The following CACNA1C variants were observed in gnomAD, a reference collection of about 807,000 sequenced individuals.
CACNA1C encodes calcium voltage-gated channel subunit alpha1 C, also known as voltage-dependent L-type calcium channel subunit alpha-1C.
A neutral mutation model predicts 229.0 loss-of-function variants in CACNA1C; 30 were observed. That is an observed-to-expected ratio of 0.13 (90% confidence interval 0.10 to 0.18). CACNA1C has a LOEUF of 0.18. Ranked by LOEUF, CACNA1C falls within the 10% of genes least tolerant of loss-of-function variation. The probability of loss-of-function intolerance (pLI) is 1.00; values close to 1 mark genes in which losing one functional copy is unlikely to be tolerated. For synonymous variants in CACNA1C, 1,114 were observed against 1,132.5 expected (o/e 0.98, Z 0.33); for missense variants, 1,658 against 2,845.0 (o/e 0.58, Z 9.49).
chr12:2,035,523 C>G (rs576975991), intron 1 of CACNA1C, among the ~76,000 whole-genome samples: 3 of 152,170 alleles, frequency 2.0e-5, no homozygotes, highest in Non-Finnish European at 4.4e-5. Context: ...ATCTCCTGTG[C>G]GAACCTCTTC....
In CACNA1C at chr12:2,467,783, C is replaced by G. The variant is rs1241837093; in HGVS notation, c.757+10077C>G. ...CTGCTGCATCCCCAGTTAAGCAACT[C>G]TCTTCCCGGCATCCTCCCAGGTGCC... On this transcript the variant is annotated intron_variant, in intron 5 of 46. Transcript: ENST00000399655. The surrounding 1 kb of genome is among the most constrained non-coding windows in gnomAD (Gnocchi z 4.6). 2.6e-5 allele frequency among the ~76,000 whole-genome samples: 4 copies of G among 152,206 alleles called. No homozygotes were observed. Among genetic ancestry groups the G allele is most frequent in the East Asian group, 1.9e-4 (1 of 5,182 alleles).
At chr12:2,483,718 C>T (rs1227019571) in intron 5 of CACNA1C, among the ~76,000 whole-genome samples, 1 of 152,110 alleles carries the variant, frequency 6.6e-6, no homozygotes. Context: ...GCGTGACCCC[C>T]AGCCTGGACG....
At chr12:2,413,252 G>A (rs1384580889) in intron 3 of CACNA1C, among the ~76,000 whole-genome samples, 1 of 152,154 alleles carries the variant, frequency 6.6e-6, no homozygotes, top group Non-Finnish European at 1.5e-5. Context: ...CCTGACCTCA[G>A]GTGATCCACC....
chr12:2,503,466 C>T (rs1022681258), intron 7 of CACNA1C, among the ~76,000 whole-genome samples: 2 of 152,238 alleles, frequency 1.3e-5, no homozygotes. Flanking sequence ...GATGGAAGCA[C>T]AGCTCTGCAA....
At chr12:2,052,953 G>C (rs891079333), upstream of CACNA1C, 102 of 978,732 alleles carry the variant, frequency 1.0e-4, no homozygotes, top group South Asian at 2.0e-3. Flanking sequence ...GGCTGGGCCG[G>C]GGGGAGTGAG....
chr12:2,691,304 G>A lies in CACNA1C; in HGVS notation c.*105G>A. 2 of 1,188,988 alleles carry A rather than the reference G, an allele frequency of 1.7e-6. No homozygotes were observed. The highest frequency in any genetic ancestry group is 3.3e-5 in the Admixed American group (1 of 30,498). 73.7% of individuals were successfully genotyped at this position (1,188,988 alleles called of 1,614,324 possible). A position where few individuals can be genotyped will look rare whatever the true frequency, so the allele number is the denominator to read the frequency against. ...TCGTGACCTGGAGTTAACCGGAACA[G>A]CGTCTTCATTCATTTCTGTTGGGAC... is the stretch of plus-strand genomic sequence containing the variant. On this transcript the variant is annotated 3_prime_UTR_variant, in exon 47 of 47. Transcript: ENST00000399655.
chr12:2,526,491 A>G (rs111531635), intron 9 of CACNA1C, among the ~76,000 whole-genome samples: 12 of 152,344 alleles, frequency 7.9e-5, no homozygotes, highest in African/African-American at 2.6e-4. Flanking sequence ...GCCTTCCACA[A>G]CAGAACAGGA....
intron 1 of CACNA1C, among the ~76,000 whole-genome samples, chr12:2,018,653 A>C (rs953462406): frequency 6.6e-6 from 1 of 152,226 alleles, no homozygotes; most frequent in Non-Finnish European, 1.5e-5. Context: ...GACGGAGCTC[A>C]TTCAGGCCCT....
chr12:2,067,481 T>TTTGTGTGTGC lies in CACNA1C; in HGVS notation c.49+13870_49+13871insTTGTGTGTGC, dbSNP rs1555107496. 7.1e-6 allele frequency among the ~76,000 whole-genome samples: 1 copy of TTTGTGTGTGC among 140,778 alleles called. No homozygotes were observed. The allele number at this position is 140,778 out of a possible 152,430, so 92.4% of individuals were successfully genotyped here. On this transcript the variant is annotated intron_variant, in intron 1 of 46. Coordinates refer to ENST00000399655, the MANE Select transcript of CACNA1C (RefSeq NM_000719.7). The surrounding 1 kb of genome is among the most constrained non-coding windows in gnomAD (Gnocchi z 5.3). ...GTGTGTGTGTGTGTGTGTGTGTGTG[T>TTTGTGTGTGC]GCGCGCGTGTGCGTGCCTGTATGTA...
chr12:2,472,246 A>G (rs1179252107), intron 5 of CACNA1C, among the ~76,000 whole-genome samples: 2 of 152,160 alleles, frequency 1.3e-5, no homozygotes, highest in South Asian at 4.2e-4. Context: ...CCTGTTATAC[A>G]TGGTGTTTGG....
chr12:1,974,878 A>G (rs1235111684), intron 1 of CACNA1C, among the ~76,000 whole-genome samples: 2 of 152,164 alleles, frequency 1.3e-5, no homozygotes, highest in Non-Finnish European at 2.9e-5. Context: ...AAACATGTCT[A>G]TTTATGCTTA....
chr12:2,257,709 T>C (rs576199907), intron 3 of CACNA1C, among the ~76,000 whole-genome samples: 18 of 152,366 alleles, frequency 1.2e-4, no homozygotes, highest in Non-Finnish European at 2.4e-4. Flanking sequence ...TTCATTGATC[T>C]CTTCTCCTCC....
intron 1 of CACNA1C, among the ~76,000 whole-genome samples, chr12:1,994,079 A>G (rs780360146): frequency 4.6e-5 from 7 of 152,260 alleles, no homozygotes; most frequent in Non-Finnish European, 8.8e-5. Flanking sequence ...ATTTCACTCA[A>G]TAAACCTTGA....
Position 2,504,646 on chromosome 12 carries a change from G to A in CACNA1C, c.1114-196G>A, listed in dbSNP as rs555099030. On this transcript the variant is annotated intron_variant, in intron 7 of 46. Transcript: ENST00000399655. This position sits in a 1 kb window ranked among gnomAD's most constrained non-coding sequence, Gnocchi z 6.8. ...CAGGGATGGGACCCTGACAGGCCCA[G>A]GAAAACCACAACAAAGCCTCTGTTC... is the stretch of plus-strand genomic sequence containing the variant. 46 of 795,190 alleles carry A rather than the reference G, an allele frequency of 5.8e-5. No individual in the cohort carries two copies. The East Asian group carries it at 1.1e-3, about 19-fold the overall frequency. The allele number at this position is 795,190 out of a possible 1,614,324, so 49.3% of individuals were successfully genotyped here. A position where few individuals can be genotyped will look rare whatever the true frequency, so the allele number is the denominator to read the frequency against.
At chr12:2,240,853 A>C (rs1053181347) in intron 3 of CACNA1C, among the ~76,000 whole-genome samples, 1 of 151,452 alleles carries the variant, frequency 6.6e-6, no homozygotes, top group Non-Finnish European at 1.5e-5. Context: ...GTGCTCACCC[A>C]ACTCCCTCAG....
At chr12:2,189,630 G>A (rs2097152328) in intron 3 of CACNA1C, among the ~76,000 whole-genome samples, 1 of 152,168 alleles carries the variant, frequency 6.6e-6, no homozygotes. Context: ...AAAACTATCA[G>A]CGTGTGGAGT....
At chr12:2,165,220 T>C (rs116552867) in intron 3 of CACNA1C, among the ~76,000 whole-genome samples, 1 of 152,216 alleles carries the variant, frequency 6.6e-6, no homozygotes, top group Admixed American at 6.5e-5. Context: ...ATAAATCAAT[T>C]GTAAACCTGC....
chr12:2,059,485 C>T (rs1299083427), intron 1 of CACNA1C, among the ~76,000 whole-genome samples: 2 of 151,966 alleles, frequency 1.3e-5, no homozygotes, highest in African/African-American at 2.4e-5. Context: ...GTGAGGAAAG[C>T]GGGGGTTAAC....
intron 3 of CACNA1C, among the ~76,000 whole-genome samples, chr12:2,289,604 G>A (rs1391475701): frequency 6.6e-6 from 1 of 152,024 alleles, no homozygotes; most frequent in Non-Finnish European, 1.5e-5. Context: ...ACTAGGGACT[G>A]GGGATACAGC....
Sources: allele counts gnomAD v4.1 joint callset (sites outside exome capture counted in the v4.1 genomes callset), GRCh38; gene constraint gnomAD v4.1.1; non-coding constraint Gnocchi (gnomAD v3.1); transcripts MANE v1.5; gene names NCBI Gene and HGNC (gene_info 2026-07-23, HGNC 2026-07-21).